The following KDF1 variants were observed in gnomAD, a reference collection of about 807,000 sequenced individuals.
KDF1 encodes the protein keratinocyte differentiation factor 1, also known as RP11-344H11.3.
In KDF1, 11 loss-of-function variants were observed where a neutral mutation model predicts 31.6. That is an observed-to-expected ratio of 0.35 (90% CI 0.22 to 0.58). KDF1 has a LOEUF of 0.58. Among genes scored for constraint, KDF1 ranks in the 20% least tolerant of loss-of-function variants. KDF1 has a pLI of 0.83. For synonymous variants in KDF1, 205 were observed against 214.4 expected (o/e 0.96, Z 0.38); for missense variants, 476 against 549.1 (o/e 0.87, Z 1.33).
Position 26,952,416 on chromosome 1 carries a change from C to A in KDF1, c.-32-4G>T. On this transcript the variant is annotated splice_polypyrimidine_tract_variant and splice_region_variant and intron_variant, in intron 1 of 3. Coordinates refer to ENST00000320567, the MANE Select transcript of KDF1 (RefSeq NM_152365.3). The surrounding 1 kb of genome is among the most constrained non-coding windows in gnomAD (Gnocchi z 4.1). ...ATGGTTTGTAGCAGCCAGGCACCTG[C>A]GTGGGGAGAGGCCAGGAAGGAGTCA... The A allele has an allele frequency of 1.3e-6, 2 of 1,483,358 alleles. No individual in the cohort carries two copies. The highest frequency in any genetic ancestry group is 1.8e-6 in the Non-Finnish European group (2 of 1,120,034). 91.9% of individuals were successfully genotyped at this position (1,483,358 alleles called of 1,614,324 possible).
At position 26,952,039 on chromosome 1, in the gene KDF1, A is replaced by G. The variant is rs1192675082; in HGVS notation, c.342T>C (p.Ser114=). The G allele has an allele frequency of 1.2e-6, 2 of 1,613,530 alleles. No homozygotes were observed. The highest frequency in any genetic ancestry group is 1.7e-5 in the Admixed American group (1 of 59,994). The change falls in exon 2 of 4, where the codon TCT becomes TCC. Residue 114 remains serine, a synonymous_variant. Coordinates refer to ENST00000320567, the MANE Select transcript of KDF1 (RefSeq NM_152365.3). The surrounding 1 kb of genome is among the most constrained non-coding windows in gnomAD (Gnocchi z 4.1). ...ACVRGCSPCL[S]TEDSTEGTAE... is the part of the protein sequence containing the mutation. ...CAGTCCCCTCAGTGGAGTCCTCAGT[A>G]GACAGGCAGGGGCTGCATCCCCGCA...
rs1363056327 is a variant in KDF1 at position 26,952,362 on chromosome 1, G to C, written c.19C>G (p.Pro7Ala). 2 of 1,511,720 alleles carry C rather than the reference G, an allele frequency of 1.3e-6. No individual in the cohort carries two copies. The highest frequency in any genetic ancestry group is 1.8e-6 in the Non-Finnish European group (2 of 1,133,744). The allele number at this position is 1,511,720 out of a possible 1,614,324, so 93.6% of individuals were successfully genotyped here. A position where few individuals can be genotyped will look rare whatever the true frequency, so the allele number is the denominator to read the frequency against. ...CGTGGAGGCCCAGATGCTGGGCGGG[G>C]GTGTCCAGGGCGGGGCATGGCTCAT... MPRPGH[P>A]RPASGPPRLG... Residue 7 changes from proline (P) to alanine (A), a missense_variant, in exon 2 of 4, where the codon CCC becomes GCC. Pro to Ala is a conservative substitution (Grantham distance 27). This residue lies in a region of KDF1 where 330 missense variants were observed against 332.3 expected (regional missense o/e 0.99). Transcript: ENST00000320567. This position sits in a 1 kb window ranked among gnomAD's most constrained non-coding sequence, Gnocchi z 4.1.
chr1:26,956,991 AC>A (rs2082379815), intron 1 of KDF1, among the ~76,000 whole-genome samples: 1 of 152,118 alleles, frequency 6.6e-6, no homozygotes, highest in South Asian at 2.1e-4. Flanking sequence ...CAGTGGTGCA[AC>A]CCTAGCTCAA....
Position 26,949,707 on chromosome 1 carries a change from T to TTA in KDF1, c.*360_*361dup, listed in dbSNP as rs535958386. 1 of 241,274 alleles carries TTA rather than the reference T, an allele frequency of 4.1e-6. No individual in the cohort carries two copies. The allele number at this position is 241,274 out of a possible 1,614,324, so 14.9% of individuals were successfully genotyped here. A position where few individuals can be genotyped will look rare whatever the true frequency, so the allele number is the denominator to read the frequency against. On this transcript the variant is annotated 3_prime_UTR_variant, in exon 4 of 4. Coordinates refer to ENST00000320567, the MANE Select transcript of KDF1 (RefSeq NM_152365.3). Reference sequence around the variant, plus strand: ...AGATAAGCTTCTTTTAACTGTTGAATTACCCCAGGGAGGGAGAAGTTTGCA... The same window carrying TTA: ...AGATAAGCTTCTTTTAACTGTTGAATTATACCCCAGGGAGGGAGAAGTTTGCA...
In KDF1 at chr1:26,950,009, T is replaced by C; in HGVS notation, c.*60A>G. Reference sequence around the variant, plus strand: ...CTCCCACAGGGGTTCCTGGTCCCCCTCTTCATTCTGTAGGCCATGCTTCTC... The same window carrying C: ...CTCCCACAGGGGTTCCTGGTCCCCCCCTTCATTCTGTAGGCCATGCTTCTC... On this transcript the variant is annotated 3_prime_UTR_variant, in exon 4 of 4. Coordinates refer to ENST00000320567, the MANE Select transcript of KDF1 (RefSeq NM_152365.3). This position sits in a 1 kb window ranked among gnomAD's most constrained non-coding sequence, Gnocchi z 4.0. 6.5e-7 allele frequency: 1 copy of C among 1,538,664 alleles called. No individual in the cohort carries two copies. Among genetic ancestry groups the C allele is most frequent in the Non-Finnish European group, 9.0e-7 (1 of 1,114,318 alleles).
intron 1 of KDF1, among the ~76,000 whole-genome samples, chr1:26,958,143 T>C (rs2082385540): frequency 7.0e-6 from 1 of 143,806 alleles, no homozygotes; most frequent in Admixed American, 7.0e-5. Context: ...TTTTTTTTTT[T>C]TTTTTTTGAG....
chr1:26,949,972 A>G lies in KDF1; in HGVS notation c.*97T>C. 1 of 1,261,194 alleles carries G rather than the reference A, an allele frequency of 7.9e-7. No homozygotes were observed. The highest frequency in any genetic ancestry group is 1.1e-6 in the Non-Finnish European group (1 of 885,090). 78.1% of individuals were successfully genotyped at this position (1,261,194 alleles called of 1,614,324 possible). On this transcript the variant is annotated 3_prime_UTR_variant, in exon 4 of 4. Coordinates refer to ENST00000320567, the MANE Select transcript of KDF1 (RefSeq NM_152365.3). Reference sequence around the variant, plus strand: ...GAGGAGCCAGAGTGGGCACTGCTTCAGGTCTAAGCCTCTCCCACAGGGGTT... The same window carrying G: ...GAGGAGCCAGAGTGGGCACTGCTTCGGGTCTAAGCCTCTCCCACAGGGGTT...
In KDF1 at chr1:26,951,282, C is replaced by A. The variant is rs2082346753; in HGVS notation, c.1039+60G>T. 10 of 1,434,660 alleles carry A rather than the reference C, an allele frequency of 7.0e-6. No homozygotes were observed. In the Middle Eastern group the frequency reaches 6.3e-4, roughly 91 times the overall value. 88.9% of individuals were successfully genotyped at this position (1,434,660 alleles called of 1,614,324 possible). A position where few individuals can be genotyped will look rare whatever the true frequency, so the allele number is the denominator to read the frequency against. On this transcript the variant is annotated intron_variant, in intron 2 of 3. Transcript: ENST00000320567. This position sits in a 1 kb window ranked among gnomAD's most constrained non-coding sequence, Gnocchi z 5.4. ...ACAGTGACTAAAGACCCCATTCCAACCCTCCCCTGGCCAGAGCCTCCCCTA... is the reference window on the plus strand; with the variant it reads ...ACAGTGACTAAAGACCCCATTCCAAACCTCCCCTGGCCAGAGCCTCCCCTA...
intron 1 of KDF1, among the ~76,000 whole-genome samples, chr1:26,953,219 C>A (rs1266030228): frequency 6.6e-6 from 1 of 152,132 alleles, no homozygotes; most frequent in East Asian, 1.9e-4. Context: ...GATACTCAAT[C>A]TCTCAATCTG....
chr1:26,957,586 C>T (rs1323540784), intron 1 of KDF1, among the ~76,000 whole-genome samples: 1 of 152,082 alleles, frequency 6.6e-6, no homozygotes, highest in Admixed American at 6.6e-5. Flanking sequence ...TTAGGCTCTA[C>T]GTTGACCAGA....
At chr1:26,957,262 C>T (rs1334896470) in intron 1 of KDF1, among the ~76,000 whole-genome samples, 1 of 152,130 alleles carries the variant, frequency 6.6e-6, no homozygotes, top group Non-Finnish European at 1.5e-5. Context: ...ACCATTCCTA[C>T]AACTCTTTAA....
chr1:26,951,201 T>C lies in KDF1; in HGVS notation c.1039+141A>G. On this transcript the variant is annotated intron_variant, in intron 2 of 3. Transcript: ENST00000320567. The surrounding 1 kb of genome is among the most constrained non-coding windows in gnomAD (Gnocchi z 5.4). ...CAGAGTGGGAGCTGGGGAGAGGGGA[T>C]GCAAGAGTTGACAGAAAGGAGGAGG... 3 of 937,222 alleles carry C rather than the reference T, an allele frequency of 3.2e-6. No individual in the cohort carries two copies. Among genetic ancestry groups the C allele is most frequent in the Non-Finnish European group, 4.6e-6 (3 of 646,108 alleles). 58.1% of individuals were successfully genotyped at this position (937,222 alleles called of 1,614,324 possible). A position where few individuals can be genotyped will look rare whatever the true frequency, so the allele number is the denominator to read the frequency against.
rs1018990840 is a variant in KDF1, at chr1:26,951,824, G to A, written c.557C>T (p.Ser186Phe). The A allele has an allele frequency of 2.5e-6, 4 of 1,614,066 alleles. No homozygotes were observed. The highest frequency in any genetic ancestry group is 1.6e-4 in the Middle Eastern group (1 of 6,062). ...RATSPAPDAD[S>F]CCKEPLADPP... ...ATCGGCCAGTGGCTCCTTGCAGCAG[G>A]AGTCCGCATCAGGGGCTGGGGAGGT... Residue 186 changes from serine to phenylalanine, a missense_variant, in exon 2 of 4, where the codon TCC becomes TTC. Around this residue, in one of 2 missense-constraint regions of KDF1, gnomAD observed 330 missense variants for 332.3 expected, o/e 0.99. Transcript: ENST00000320567. This position sits in a 1 kb window ranked among gnomAD's most constrained non-coding sequence, Gnocchi z 5.4.
Position 26,951,712 on chromosome 1 carries a change from G to A in KDF1, c.669C>T (p.Asp223=). Residue 223 remains aspartate (D), a synonymous_variant, in exon 2 of 4, where the codon GAC becomes GAT. Coordinates refer to ENST00000320567, the MANE Select transcript of KDF1 (RefSeq NM_152365.3). The surrounding 1 kb of genome is among the most constrained non-coding windows in gnomAD (Gnocchi z 5.4). Reference sequence around the variant, plus strand: ...CACTGCCCATCTCCGGCAGGTCCAGGTCCGACTCATGGAAAGAATAGTACT... The same window carrying A: ...CACTGCCCATCTCCGGCAGGTCCAGATCCGACTCATGGAAAGAATAGTACT... The part of the protein sequence containing the change: ...SEEYYSFHES[D]LDLPEMGSGS... The A allele has an allele frequency of 6.2e-6, 10 of 1,613,940 alleles. 1 individual carries two copies. The highest frequency in any genetic ancestry group is 8.5e-6 in the Non-Finnish European group (10 of 1,180,034).
Position 26,951,695 on chromosome 1 carries a change from A to G in KDF1, c.686T>C (p.Met229Thr). 6.2e-7 allele frequency: 1 copy of G among 1,613,812 alleles called. No homozygotes were observed. The highest frequency in any genetic ancestry group is 8.5e-7 in the Non-Finnish European group (1 of 1,180,018). The part of the protein sequence containing the change: ...FHESDLDLPE[M>T]GSGSMSSREI... The stretch of plus-strand genomic sequence containing the variant: ...TCGGCTCGACATGGAGCCACTGCCC[A>G]TCTCCGGCAGGTCCAGGTCCGACTC... The change falls in exon 2 of 4, where the codon ATG (methionine) becomes ACG (threonine). Residue 229 changes from methionine to threonine, a missense_variant. By Grantham distance (81) the Met-to-Thr change is moderately conservative. Coordinates refer to ENST00000320567, the MANE Select transcript of KDF1 (RefSeq NM_152365.3). This position sits in a 1 kb window ranked among gnomAD's most constrained non-coding sequence, Gnocchi z 5.4.
Position 26,951,370 on chromosome 1 carries a change from G to A in KDF1, c.1011C>T (p.Thr337=). ...TAAAPDSGHE[T]MVGSGLSQDE... ...CCTGGCTGAGACCTGAGCCCACCAT[G>A]GTCTCATGGCCACTGTCAGGGGCAG... Residue 337 remains threonine, a synonymous_variant, in exon 2 of 4, where the codon ACC becomes ACT. Transcript: ENST00000320567. The surrounding 1 kb of genome is among the most constrained non-coding windows in gnomAD (Gnocchi z 5.4). 6.3e-7 allele frequency: 1 copy of A among 1,593,304 alleles called. No individual in the cohort carries two copies. The highest frequency in any genetic ancestry group is 8.6e-7 in the Non-Finnish European group (1 of 1,166,496).
At position 26,953,699 on chromosome 1, in the gene KDF1, G is replaced by A. The variant is rs140439336; in HGVS notation, c.-32-1287C>T. On this transcript the variant is annotated intron_variant, in intron 1 of 3. Transcript: ENST00000320567. ...CCCGGGTGCGGTGGCTCATGCCTGT[G>A]ATCCCAGCAATTTGGGAGGCTGGGA... 3.4e-3 allele frequency among the ~76,000 whole-genome samples: 523 copies of A among 152,188 alleles called. 4 individuals carry two copies. The highest frequency in any genetic ancestry group is 0.012 in the African/African-American group (495 of 41,532).
At position 26,952,187 on chromosome 1, in the gene KDF1, G is replaced by A. The variant is rs982502162; in HGVS notation, c.194C>T (p.Ala65Val). The A allele has an allele frequency of 6.2e-7, 1 of 1,613,312 alleles. No individual in the cohort carries two copies. Residue 65 changes from alanine (A) to valine (V), a missense_variant, in exon 2 of 4, where the codon GCT becomes GTT. Physicochemically the swap from Ala to Val is moderately conservative, Grantham distance 64. Transcript: ENST00000320567. The surrounding 1 kb of genome is among the most constrained non-coding windows in gnomAD (Gnocchi z 4.1). The stretch of plus-strand genomic sequence containing the variant: ...GGTGGGGGACTCAAGGGCCGGCTCA[G>A]CAGAGCCAGAGATGAAGGTAATGCT... The part of the protein sequence containing the change: ...PESITFISGS[A>V]EPALESPTCC...
At position 26,950,877 on chromosome 1, in the gene KDF1, A is replaced by C. The variant is rs2082345012; in HGVS notation, c.1040-121T>G. 3 of 839,048 alleles carry C rather than the reference A, an allele frequency of 3.6e-6. No homozygotes were observed. The South Asian group carries it at 4.6e-5, about 13-fold the overall frequency. The allele number at this position is 839,048 out of a possible 1,614,324, so 52.0% of individuals were successfully genotyped here. On this transcript the variant is annotated intron_variant, in intron 2 of 3. Transcript: ENST00000320567. This position sits in a 1 kb window ranked among gnomAD's most constrained non-coding sequence, Gnocchi z 4.0. ...CACTCCTGGGCAGGGCTAGAAAAAT[A>C]ATGCTTAAAGACAGAGACATAGACA...
Sources: gnomAD v4.1 joint callset for allele counts (sites outside exome capture counted in the v4.1 genomes callset) on GRCh38, gnomAD v4.1.1 for gene constraint, gnomAD v4.1.1 regional missense constraint, Gnocchi (gnomAD v3.1) non-coding constraint, MANE v1.5 for transcripts, NCBI Gene and HGNC (gene_info 2026-07-23, HGNC 2026-07-21) for gene names.